SDE2: variants seen among roughly 807,000 people sequenced by gnomAD.
SDE2 encodes spliceosome associated SDE2.
A neutral mutation model predicts 46.9 loss-of-function variants in SDE2; 31 were observed. The ratio of observed to expected loss-of-function variants is 0.66; its 90% CI spans 0.50 to 0.89. The LOEUF (loss-of-function observed/expected upper bound fraction) is 0.89, where lower values mean the gene tolerates loss of function less well. Among genes scored for constraint, SDE2 ranks in the 40% least tolerant of loss-of-function variants. The probability of loss-of-function intolerance (pLI) is 0.00; values close to 1 mark genes in which losing one functional copy is unlikely to be tolerated. For synonymous variants in SDE2, 205 were observed against 204.3 expected, an observed-to-expected ratio of 1.00 and a Z score of -0.03; for missense variants, 542 against 564.4, an observed-to-expected ratio of 0.96 and a Z score of 0.40.
chr1:225,995,350 T>G lies in SDE2; in HGVS notation c.154A>C (p.Asn52His). 1 of 1,611,698 alleles carries G rather than the reference T, an allele frequency of 6.2e-7. No individual in the cohort carries two copies. The highest frequency in any genetic ancestry group is 8.5e-7 in the Non-Finnish European group (1 of 1,178,062). ...TCACTGGTGTTAATGAGTGCTCCAT[T>G]GCATTTCACAAAGAAGTTTTCCACT... is the stretch of plus-strand genomic sequence containing the variant. ...VPVENFFVKC[N>H]GALINTSDTV... Residue 52 changes from asparagine to histidine, a missense_variant, in exon 2 of 7, where the codon AAT (asparagine) becomes CAT (histidine). Physicochemically the swap from Asn to His is moderately conservative, Grantham distance 68. This residue lies in a region of SDE2 where 135 missense variants were observed against 106.5 expected (regional missense o/e 1.27). Coordinates refer to ENST00000272091, the MANE Select transcript of SDE2 (RefSeq NM_152608.4).
chr1:225,990,289 A>C (rs1417353551), intron 5 of SDE2, among the ~76,000 whole-genome samples: 1 of 152,198 alleles, frequency 6.6e-6, no homozygotes, highest in Non-Finnish European at 1.5e-5. Context: ...AAGTGAGAGA[A>C]GCCAGACACT....
intron 5 of SDE2, among the ~76,000 whole-genome samples, chr1:225,990,865 T>C (rs986278102): frequency 3.3e-5 from 5 of 151,282 alleles, no homozygotes; most frequent in African/African-American, 1.2e-4. Flanking sequence ...AAGAGAAGTC[T>C]GGCAAAGTGA....
At chr1:225,997,849 G>A (rs1004098493) in intron 1 of SDE2, among the ~76,000 whole-genome samples, 3 of 152,200 alleles carry the variant, frequency 2.0e-5, no homozygotes, top group Non-Finnish European at 4.4e-5. Flanking sequence ...TGTACTCATA[G>A]GCCGGGAGGA....
At chr1:225,987,421 C>T (rs1474598800) in intron 6 of SDE2, among the ~76,000 whole-genome samples, 1 of 152,242 alleles carries the variant, frequency 6.6e-6, no homozygotes, top group East Asian at 1.9e-4. Flanking sequence ...AAGGAGGTTC[C>T]TCTTCTATAG....
chr1:225,989,457 C>A (rs917988907), intron 5 of SDE2, among the ~76,000 whole-genome samples: 2 of 150,730 alleles, frequency 1.3e-5, no homozygotes, highest in Non-Finnish European at 1.5e-5. Context: ...GGTGAAACAC[C>A]ATCTCTACTA....
At chr1:225,994,266 G>A (rs1157545214) in intron 2 of SDE2, among the ~76,000 whole-genome samples, 1 of 151,992 alleles carries the variant, frequency 6.6e-6, no homozygotes, top group Non-Finnish European at 1.5e-5. Flanking sequence ...TAGTAGAGAC[G>A]GGGTTTTGCC....
Position 225,992,869 on chromosome 1 carries a change from CAA to C in SDE2, c.350+20_350+21del, listed in dbSNP as rs769779598. On this transcript the variant is annotated intron_variant, in intron 3 of 6. Coordinates refer to ENST00000272091, the MANE Select transcript of SDE2 (RefSeq NM_152608.4). The stretch of plus-strand genomic sequence containing the variant: ...AAGTATATGTCTCTCCTCAAAAACA[CAA>C]AAAAAGGTGGGCATCTTACGCTTTT... 2 of 1,413,226 alleles carry C rather than the reference CAA, an allele frequency of 1.4e-6. No individual in the cohort carries two copies. Among genetic ancestry groups the C allele is most frequent in the South Asian group, 2.3e-5 (2 of 86,460 alleles). The allele number at this position is 1,413,226 out of a possible 1,614,324, so 87.5% of individuals were successfully genotyped here.
rs1351453660 is a variant in SDE2, at chr1:225,985,282, G to C, written c.*20C>G. On this transcript the variant is annotated 3_prime_UTR_variant, in exon 7 of 7. Transcript: ENST00000272091. ...AAATGGTAGACACTATAAACAAATA[G>C]GAATCAGCTCTGATGATACTCATTT... 1.9e-6 allele frequency: 3 copies of C among 1,572,348 alleles called. No homozygotes were observed. The highest frequency in any genetic ancestry group is 4.5e-5 in the East Asian group (2 of 44,648).
chr1:225,991,887 G>A (rs1392169974), intron 4 of SDE2, among the ~76,000 whole-genome samples: 1 of 152,074 alleles, frequency 6.6e-6, no homozygotes, highest in East Asian at 1.9e-4. Flanking sequence ...TTCTTACCTG[G>A]GGCCCATGGC....
chr1:225,988,110 T>C lies in SDE2; in HGVS notation c.920A>G (p.His307Arg). 2 of 1,614,216 alleles carry C rather than the reference T, an allele frequency of 1.2e-6. No individual in the cohort carries two copies. Among genetic ancestry groups the C allele is most frequent in the South Asian group, 1.1e-5 (1 of 91,084 alleles). ...TTCTGTAACCATCCTGCTTTCCATG[T>C]GCTCTTTGGACTCCCCCAGCTCAGC... is the stretch of plus-strand genomic sequence containing the variant. ...SCAELGESKE[H>R]MESRMVTETE... Residue 307 changes from histidine to arginine, a missense_variant, in exon 6 of 7, where the codon CAC (histidine) becomes CGC (arginine). Coordinates refer to ENST00000272091, the MANE Select transcript of SDE2 (RefSeq NM_152608.4).
intron 5 of SDE2, among the ~76,000 whole-genome samples, chr1:225,990,218 T>C (rs1185358123): frequency 6.6e-6 from 1 of 151,918 alleles, no homozygotes; most frequent in Non-Finnish European, 1.5e-5. Flanking sequence ...TACGGAGTGA[T>C]AAAAAAGAAT....
At position 225,988,456 on chromosome 1, in the gene SDE2, C is replaced by T. The variant is rs549415699; in HGVS notation, c.642-68G>A. ...TATTTAAAGCAAAGAGTTGGCTGGGCGCAGTGGCTCAGGCCTGTAATCCCA... is the reference window on the plus strand; with the variant it reads ...TATTTAAAGCAAAGAGTTGGCTGGGTGCAGTGGCTCAGGCCTGTAATCCCA... On this transcript the variant is annotated intron_variant, in intron 5 of 6. Transcript: ENST00000272091. The T allele has an allele frequency of 2.7e-4, 415 of 1,535,698 alleles. 3 individuals are homozygous for T. In the South Asian group the frequency reaches 4.5e-3, roughly 17 times the overall value.
At chr1:225,989,952 C>T (rs1046797269) in intron 5 of SDE2, among the ~76,000 whole-genome samples, 14 of 151,668 alleles carry the variant, frequency 9.2e-5, no homozygotes, top group South Asian at 4.2e-4. Flanking sequence ...GGTATGTACC[C>T]TAGCCCCAGC....
chr1:225,993,055 A>G, intron 2 of SDE2, 53 bp from the exon 3 acceptor site: 1 of 872,708 alleles, frequency 1.1e-6, no homozygotes, highest in Non-Finnish European at 1.9e-6. Context: ...AGGATGGATA[A>G]AAGCAGAATT....
chr1:225,987,204 C>T (rs1656287926), intron 6 of SDE2, among the ~76,000 whole-genome samples: 1 of 151,900 alleles, frequency 6.6e-6, no homozygotes, highest in Non-Finnish European at 1.5e-5. Context: ...CCACCATGCC[C>T]GGCTAATTTT....
chr1:225,991,005 T>C (rs1301141263), intron 5 of SDE2, among the ~76,000 whole-genome samples: 2 of 152,222 alleles, frequency 1.3e-5, no homozygotes, highest in Non-Finnish European at 2.9e-5. Context: ...ATAAAGCTAT[T>C]TTTATGTTTC....
chr1:225,990,430 G>A (rs1456837837), intron 5 of SDE2, among the ~76,000 whole-genome samples: 1 of 152,142 alleles, frequency 6.6e-6, no homozygotes, highest in Non-Finnish European at 1.5e-5. Context: ...AACTATTTCA[G>A]GTCATTAAAA....
chr1:225,993,822 T>G (rs1656458214), intron 2 of SDE2, among the ~76,000 whole-genome samples: 1 of 152,110 alleles, frequency 6.6e-6, no homozygotes, highest in Non-Finnish European at 1.5e-5. Flanking sequence ...TAGAGGGCAA[T>G]GGCTTGATGT....
At chr1:225,997,806 C>T (rs1656563104) in intron 1 of SDE2, among the ~76,000 whole-genome samples, 3 of 152,146 alleles carry the variant, frequency 2.0e-5, no homozygotes, top group Admixed American at 2.0e-4. Context: ...TTTCTGGTTT[C>T]ACTTTGGATC....
Sources: allele counts gnomAD v4.1 joint callset (sites outside exome capture counted in the v4.1 genomes callset), GRCh38; gene constraint gnomAD v4.1.1; regional missense constraint gnomAD v4.1.1; transcripts MANE v1.5; gene names NCBI Gene and HGNC (gene_info 2026-07-23, HGNC 2026-07-21).